RPTOR: variants seen among roughly 807,000 people sequenced by gnomAD.
RPTOR encodes the protein regulatory associated protein of MTOR complex 1.
A neutral mutation model predicts 169.9 loss-of-function variants in RPTOR; 21 were observed. The ratio of observed to expected loss-of-function variants is 0.12; its 90% CI spans 0.09 to 0.18. The LOEUF (loss-of-function observed/expected upper bound fraction) is 0.18. Ranked by LOEUF, RPTOR falls within the 10% of genes least tolerant of loss-of-function variation. The pLI is 1.00. For missense variants in RPTOR, 1,133 were observed against 1,855.9 expected (o/e 0.61, Z 7.16); for synonymous variants, 732 against 753.2 (o/e 0.97, Z 0.46).
At chr17:80,943,077 CATT>C (rs2069053634) in intron 25 of RPTOR, among the ~76,000 whole-genome samples, 1 of 152,216 alleles carries the variant, frequency 6.6e-6, no homozygotes, top group African/African-American at 2.4e-5. Context: ...TGGGGACTGA[CATT>C]GTTGGAAACA....
At chr17:80,685,637 T>TATTTTA (rs1201348729) in intron 3 of RPTOR, among the ~76,000 whole-genome samples, 3 of 62,730 alleles carry the variant, frequency 4.8e-5, no homozygotes, top group Non-Finnish European at 1.0e-4. Flanking sequence ...ATTTTTTTTT[T>TATTTTA]TTTTTTTTTT....
At chr17:80,893,630 C>T (rs2068361722) in intron 19 of RPTOR, 77 bp from the exon 20 acceptor site, 15 of 1,507,976 alleles carry the variant, frequency 9.9e-6, no homozygotes, top group Admixed American at 2.1e-5. Context: ...AAATATGTAT[C>T]TCAGTCATGC....
At chr17:80,755,283 TACTC>T (rs959977945) in intron 6 of RPTOR, among the ~76,000 whole-genome samples, 4 of 152,104 alleles carry the variant, frequency 2.6e-5, no homozygotes, top group East Asian at 1.9e-4. Context: ...CTTTTAGTGT[TACTC>T]ACCCCAAAAT....
In RPTOR at chr17:80,947,112, C is replaced by A; in HGVS notation, c.3141-115C>A. The A allele has an allele frequency of 9.3e-7, 1 of 1,069,936 alleles. No homozygotes were observed. The highest frequency in any genetic ancestry group is 1.3e-6 in the Non-Finnish European group (1 of 776,456). 66.3% of individuals were successfully genotyped at this position (1,069,936 alleles called of 1,614,324 possible). On this transcript the variant is annotated intron_variant, in intron 26 of 33. Transcript: ENST00000306801. The surrounding 1 kb of genome is among the most constrained non-coding windows in gnomAD (Gnocchi z 4.4). ...GATGACAGGTGTGAGCCGCCGTGCC[C>A]GGCTGTGGTGTGTGGTTTTTTGATA...
In RPTOR at chr17:80,746,657, T is replaced by C. The variant is rs1408842474; in HGVS notation, c.655-7353T>C. ...TTAGGCTTGCTGTTTGGGAAAACCA[T>C]GGCTCTGGGCTGGAATTGGTCACTT... On this transcript the variant is annotated intron_variant, in intron 5 of 33. Coordinates refer to ENST00000306801, the MANE Select transcript of RPTOR (RefSeq NM_020761.3). This position sits in a 1 kb window ranked among gnomAD's most constrained non-coding sequence, Gnocchi z 4.5. Among the ~76,000 whole-genome samples, 2 of 152,136 alleles carry C rather than the reference T, an allele frequency of 1.3e-5. No homozygotes were observed. Among genetic ancestry groups the C allele is most frequent in the Non-Finnish European group, 2.9e-5 (2 of 68,024 alleles).
chr17:80,558,274 C>A (rs573009653), intron 1 of RPTOR, among the ~76,000 whole-genome samples: 1 of 152,310 alleles, frequency 6.6e-6, no homozygotes, highest in East Asian at 1.9e-4. Context: ...GCCCTCCAGA[C>A]TGGGTGACAG....
intron 25 of RPTOR, among the ~76,000 whole-genome samples, chr17:80,943,683 G>A (rs1325394683): frequency 1.3e-5 from 2 of 152,088 alleles, no homozygotes; most frequent in Non-Finnish European, 2.9e-5. Flanking sequence ...GGGAAGACTG[G>A]AGGCGGGCAA....
At chr17:80,767,043 G>C (rs953705920) in intron 6 of RPTOR, among the ~76,000 whole-genome samples, 1 of 152,178 alleles carries the variant, frequency 6.6e-6, no homozygotes, top group Non-Finnish European at 1.5e-5. Context: ...CATCAGAAAT[G>C]AAAGAGGGCA....
intron 1 of RPTOR, chr17:80,603,028 A>G (rs2065202163): frequency 8.7e-6 from 2 of 230,940 alleles, no homozygotes; most frequent in Non-Finnish European, 1.7e-5. Context: ...TCGTGTTCAC[A>G]TGGTTTAGGG....
intron 1 of RPTOR, among the ~76,000 whole-genome samples, chr17:80,574,698 C>T (rs1035338802): frequency 2.0e-5 from 3 of 152,022 alleles, no homozygotes; most frequent in Non-Finnish European, 4.4e-5. Flanking sequence ...CTTTGTCACC[C>T]AGGCTGGAGT....
intron 1 of RPTOR, among the ~76,000 whole-genome samples, chr17:80,598,632 C>T (rs192072547): frequency 1.4e-3 from 212 of 152,312 alleles, no homozygotes; most frequent in South Asian, 2.5e-3. Flanking sequence ...CCGCAGTCTG[C>T]GAGGCTTCTG....
At chr17:80,889,937 G>A (rs1466889620) in intron 17 of RPTOR, among the ~76,000 whole-genome samples, 10 of 116,912 alleles carry the variant, frequency 8.6e-5, no homozygotes, top group African/African-American at 1.5e-4. Flanking sequence ...GCCCCCGTAC[G>A]CAGCAGGATG....
intron 1 of RPTOR, among the ~76,000 whole-genome samples, chr17:80,573,661 C>A (rs2064930980): frequency 6.6e-6 from 1 of 152,216 alleles, no homozygotes; most frequent in Non-Finnish European, 1.5e-5. Flanking sequence ...GGCAGCCATG[C>A]ACACAGCTTC....
At position 80,844,690 on chromosome 17, in the gene RPTOR, C is replaced by T. The variant is rs1043491160; in HGVS notation, c.1213-1783C>T. Reference sequence around the variant, plus strand: ...TCGGCTGACTTTTTAAGTCGGGCCACGGGGCTCTGCCCGCCAGGCTCCTCT... The same window carrying T: ...TCGGCTGACTTTTTAAGTCGGGCCATGGGGCTCTGCCCGCCAGGCTCCTCT... On this transcript the variant is annotated intron_variant, in intron 10 of 33. Coordinates refer to ENST00000306801, the MANE Select transcript of RPTOR (RefSeq NM_020761.3). The surrounding 1 kb of genome is among the most constrained non-coding windows in gnomAD (Gnocchi z 4.7). 1.3e-5 allele frequency among the ~76,000 whole-genome samples: 2 copies of T among 152,192 alleles called. No individual in the cohort carries two copies. The highest frequency in any genetic ancestry group is 6.5e-5 in the Admixed American group (1 of 15,286).
chr17:80,652,309 C>T (rs2065647268), intron 3 of RPTOR, among the ~76,000 whole-genome samples: 1 of 152,190 alleles, frequency 6.6e-6, no homozygotes, highest in Non-Finnish European at 1.5e-5. Context: ...CATCGGCAGT[C>T]ATTTCTCCTC....
At chr17:80,724,057 T>G (rs918768719) in intron 4 of RPTOR, among the ~76,000 whole-genome samples, 9 of 151,300 alleles carry the variant, frequency 5.9e-5, no homozygotes, top group Non-Finnish European at 1.3e-4. Context: ...CTGAAGAAAG[T>G]ATAAATCAGT....
rs774454756 is a variant in RPTOR, at chr17:80,634,353, C to T, written c.265+8560C>T. Among the ~76,000 whole-genome samples, 7 of 87,340 alleles carry T rather than the reference C, an allele frequency of 8.0e-5. No homozygotes were observed. In the East Asian group the frequency reaches 1.4e-3, roughly 17 times the overall value. 57.3% of individuals were successfully genotyped at this position (87,340 alleles called of 152,430 possible). A position where few individuals can be genotyped will look rare whatever the true frequency, so the allele number is the denominator to read the frequency against. ...TGCGTGTGCGTACTGTGTGCATGTG[C>T]GTACTGTGTGTGCATACTGTGTGTG... On this transcript the variant is annotated intron_variant, in intron 2 of 33. Coordinates refer to ENST00000306801, the MANE Select transcript of RPTOR (RefSeq NM_020761.3).
intron 1 of RPTOR, among the ~76,000 whole-genome samples, chr17:80,623,278 G>A (rs2065368924): frequency 6.6e-6 from 1 of 152,046 alleles, no homozygotes; most frequent in Non-Finnish European, 1.5e-5. Context: ...TTCAAAACCT[G>A]AAAAGAATCA....
intron 1 of RPTOR, among the ~76,000 whole-genome samples, chr17:80,608,198 GCA>G: frequency 6.6e-6 from 1 of 152,360 alleles, no homozygotes; most frequent in African/African-American, 2.4e-5. Context: ...CGACGGCGCA[GCA>G]CAGTGACAGC....
Sources: gnomAD v4.1 joint callset for allele counts (sites outside exome capture counted in the v4.1 genomes callset) on GRCh38, gnomAD v4.1.1 for gene constraint, Gnocchi (gnomAD v3.1) non-coding constraint, MANE v1.5 for transcripts, NCBI Gene and HGNC (gene_info 2026-07-23, HGNC 2026-07-21) for gene names.